The following MGAT4C variants were observed in gnomAD, a reference collection of about 807,000 sequenced individuals.
MGAT4C encodes alpha-1,3-mannosyl-glycoprotein 4-beta-N-acetylglucosaminyltransferase C.
Under a neutral mutation model 40.1 loss-of-function variants are expected in MGAT4C, and 19 were observed. The observed-to-expected ratio is 0.47, with a 90% confidence interval of 0.33 to 0.70. The LOEUF is 0.70. Ranked by LOEUF, MGAT4C falls within the 30% of genes least tolerant of loss-of-function variation. The pLI, the probability that MGAT4C is intolerant of heterozygous loss-of-function variation, is 0.02. For missense variants in MGAT4C, 491 were observed against 563.2 expected, an observed-to-expected ratio of 0.87 and a Z score of 1.30; for synonymous variants, 181 against 187.1, an observed-to-expected ratio of 0.97 and a Z score of 0.27.
chr12:86,708,623 G>T (rs1950504542), intron 2 of MGAT4C, among the ~76,000 whole-genome samples: 1 of 152,074 alleles, frequency 6.6e-6, no homozygotes. Flanking sequence ...CAGGAGGGAG[G>T]CTGCACCCTG....
intron 3 of MGAT4C, among the ~76,000 whole-genome samples, chr12:86,370,926 C>A (rs956052967): frequency 6.6e-6 from 1 of 151,724 alleles, no homozygotes; most frequent in Non-Finnish European, 1.5e-5. Flanking sequence ...TGAGGGGTGG[C>A]CCTTTCAATA....
chr12:86,038,796 C>T (rs1188167826), intron 2 of MGAT4C, among the ~76,000 whole-genome samples: 2 of 149,572 alleles, frequency 1.3e-5, no homozygotes, highest in South Asian at 2.1e-4. Context: ...GGGTATTTTG[C>T]CCGTTAGTTG....
chr12:86,764,087 G>A (rs1241632328), intron 1 of MGAT4C, among the ~76,000 whole-genome samples: 1 of 152,162 alleles, frequency 6.6e-6, no homozygotes, highest in African/African-American at 2.4e-5. Flanking sequence ...AGCGCAAGGG[G>A]TCAGGGAGTT....
chr12:86,802,082 T>C (rs1952240083), intron 1 of MGAT4C, among the ~76,000 whole-genome samples: 1 of 151,978 alleles, frequency 6.6e-6, no homozygotes, highest in South Asian at 2.1e-4. Context: ...TGGTCAATAG[T>C]TATTCTCTAA....
intron 1 of MGAT4C, among the ~76,000 whole-genome samples, chr12:86,067,391 G>A (rs779866691): frequency 1.3e-5 from 2 of 152,146 alleles, no homozygotes; most frequent in Non-Finnish European, 2.9e-5. Context: ...AAAAGGATGA[G>A]TTCATTTTCT....
At chr12:86,569,280 A>G (rs1401506485) in intron 2 of MGAT4C, among the ~76,000 whole-genome samples, 1 of 152,142 alleles carries the variant, frequency 6.6e-6, no homozygotes, top group Non-Finnish European at 1.5e-5. Flanking sequence ...TTTGCAAAGT[A>G]TTCTTCTGAC....
At chr12:86,517,195 G>C (rs1022705785) in intron 2 of MGAT4C, among the ~76,000 whole-genome samples, 2 of 152,112 alleles carry the variant, frequency 1.3e-5, no homozygotes, top group Non-Finnish European at 2.9e-5. Flanking sequence ...AAATGTTCTG[G>C]AATTAGATAG....
chr12:86,721,584 G>C (rs1364653380), intron 2 of MGAT4C, among the ~76,000 whole-genome samples: 3 of 152,132 alleles, frequency 2.0e-5, no homozygotes, highest in Non-Finnish European at 4.4e-5. Context: ...GGGAGCTAGG[G>C]AAGACTGAAC....
At chr12:86,307,356 C>G (rs1045083407) in intron 4 of MGAT4C, among the ~76,000 whole-genome samples, 1 of 148,006 alleles carries the variant, frequency 6.8e-6, no homozygotes, top group African/African-American at 2.5e-5. Context: ...TGTTTATAAT[C>G]TTATTTTAAT....
intron 1 of MGAT4C, among the ~76,000 whole-genome samples, chr12:86,828,144 T>C (rs1013167907): frequency 1.3e-5 from 2 of 151,106 alleles, no homozygotes; most frequent in African/African-American, 2.4e-5. Context: ...TAAAATCTGT[T>C]ATGAATAAAA....
intron 2 of MGAT4C, among the ~76,000 whole-genome samples, chr12:86,575,839 C>T (rs1027914780): frequency 6.6e-6 from 1 of 151,796 alleles, no homozygotes; most frequent in Admixed American, 6.6e-5. Flanking sequence ...TGCACAATGT[C>T]CCCATTTCTC....
chr12:86,391,091 C>T (rs1253624834), intron 3 of MGAT4C, among the ~76,000 whole-genome samples: 3 of 152,054 alleles, frequency 2.0e-5, no homozygotes, highest in Non-Finnish European at 2.9e-5. Context: ...CTGTTTTCTC[C>T]GTAAAATCTC....
intron 1 of MGAT4C, among the ~76,000 whole-genome samples, chr12:86,797,560 T>C (rs1466466251): frequency 1.3e-5 from 2 of 151,946 alleles, no homozygotes; most frequent in Non-Finnish European, 2.9e-5. Context: ...TGTAGACCCA[T>C]TGCAACCATG....
intron 1 of MGAT4C, among the ~76,000 whole-genome samples, chr12:86,225,333 G>C (rs1168086755): frequency 6.6e-6 from 1 of 151,970 alleles, no homozygotes; most frequent in Non-Finnish European, 1.5e-5. Context: ...GCCCAGGACT[G>C]GATGAATTCA....
intron 2 of MGAT4C, among the ~76,000 whole-genome samples, chr12:86,020,299 G>A (rs1889561081): frequency 6.6e-6 from 1 of 152,052 alleles, no homozygotes; most frequent in South Asian, 2.1e-4. Flanking sequence ...TCCAGTTTTT[G>A]CCCATTCAAT....
intron 2 of MGAT4C, among the ~76,000 whole-genome samples, chr12:86,542,244 T>C (rs560414218): frequency 6.6e-6 from 1 of 152,316 alleles, no homozygotes; most frequent in East Asian, 1.9e-4. Context: ...AATTAGAATG[T>C]AGAAGAAATT....
chr12:86,130,056 G>A (rs1004799759), intron 1 of MGAT4C, among the ~76,000 whole-genome samples: 2 of 152,136 alleles, frequency 1.3e-5, no homozygotes, highest in African/African-American at 4.8e-5. Context: ...TTTTAAACAA[G>A]TATCTATGAT....
chr12:86,771,396 G>T (rs1367800651), intron 1 of MGAT4C, among the ~76,000 whole-genome samples: 1 of 152,056 alleles, frequency 6.6e-6, no homozygotes, highest in Admixed American at 6.6e-5. Flanking sequence ...GGCTGGAAGA[G>T]TTGTAAAATG....
At position 85,959,093 on chromosome 12, in the gene MGAT4C, G is replaced by T. The variant is rs1464689262; in HGVS notation, c.*20196C>A. 7.9e-6 allele frequency: 1 copy of T among 125,872 alleles called. No individual in the cohort carries two copies. Among genetic ancestry groups the T allele is most frequent in the Non-Finnish European group, 1.9e-5 (1 of 53,188 alleles). The allele number at this position is 125,872 out of a possible 1,614,324, so 7.8% of individuals were successfully genotyped here. On this transcript the variant is annotated 3_prime_UTR_variant, in exon 5 of 5. Coordinates refer to ENST00000611864, the MANE Select transcript of MGAT4C (RefSeq NM_001351288.2). ...AATACAATACAATACAATACATGTA[G>T]ACTCAGCATCCAAACTTTATTTTAC...
Sources: allele counts gnomAD v4.1 joint callset (sites outside exome capture counted in the v4.1 genomes callset), GRCh38; gene constraint gnomAD v4.1.1; transcripts MANE v1.5; gene names NCBI Gene and HGNC (gene_info 2026-07-23, HGNC 2026-07-21).